Variants in PLCG2 observed in about 807,000 individuals in gnomAD.
PLCG2 encodes phospholipase C gamma 2.
Under a neutral mutation model 175.6 loss-of-function variants are expected in PLCG2, and 69 were observed. The ratio of observed to expected loss-of-function variants is 0.39; its 90% CI spans 0.32 to 0.48. The LOEUF is 0.48. Among genes scored for constraint, PLCG2 ranks in the 20% least tolerant of loss-of-function variants. The pLI is 0.91. For synonymous variants in PLCG2, 827 were observed against 624.0 expected (o/e 1.33, Z -4.85); for missense variants, 1,798 against 1,650.9 (o/e 1.09, Z -1.54).
At chr16:81,779,635 C>T (rs1185473519) in intron 1 of PLCG2, among the ~76,000 whole-genome samples, 1 of 152,140 alleles carries the variant, frequency 6.6e-6, no homozygotes, top group Non-Finnish European at 1.5e-5. Flanking sequence ...CTGGCCACTT[C>T]CTCACCCCGG....
intron 2 of PLCG2, among the ~76,000 whole-genome samples, chr16:81,841,151 T>A (rs1057063841): frequency 6.6e-6 from 1 of 152,162 alleles, no homozygotes. Context: ...ATTATCTTTT[T>A]AACAAAGAAG....
rs184556174 is a variant in PLCG2, at chr16:81,877,539, C to T, written c.649-3371C>T. Among the ~76,000 whole-genome samples the T allele has an allele frequency of 5.3e-5, 8 of 152,346 alleles. No individual in the cohort carries two copies. In the East Asian group the frequency reaches 1.5e-3, roughly 29 times the overall value. ...TCCAAAATCCAGGTGTTGGCAGGGCCACACCCCTCGGAAGGCTCCAGGGAA... is the reference window on the plus strand; with the variant it reads ...TCCAAAATCCAGGTGTTGGCAGGGCTACACCCCTCGGAAGGCTCCAGGGAA... On this transcript the variant is annotated intron_variant, in intron 7 of 32. Coordinates refer to ENST00000564138, the MANE Select transcript of PLCG2 (RefSeq NM_002661.5).
chr16:81,781,190 C>G (rs974297169), intron 1 of PLCG2, among the ~76,000 whole-genome samples: 2 of 152,214 alleles, frequency 1.3e-5, no homozygotes, highest in Admixed American at 6.5e-5. Flanking sequence ...AACCACTCTC[C>G]TGGATTTACC....
At chr16:81,746,427 C>G (rs959417157) in intron 1 of PLCG2, among the ~76,000 whole-genome samples, 1 of 152,180 alleles carries the variant, frequency 6.6e-6, no homozygotes, top group African/African-American at 2.4e-5. Flanking sequence ...GTCGAAACGG[C>G]CGCTGGGGCA....
At chr16:81,778,036 A>C (rs1255287365), upstream of PLCG2, among the ~76,000 whole-genome samples, 38 of 95,916 alleles carry the variant, frequency 4.0e-4, no homozygotes, top group African/African-American at 1.6e-3. Context: ...AAAAAACAAA[A>C]AAAAAACAAA....
At chr16:81,875,826 A>G (rs965343853) in intron 7 of PLCG2, among the ~76,000 whole-genome samples, 60 of 152,244 alleles carry the variant, frequency 3.9e-4, no homozygotes, top group African/African-American at 1.3e-3. Context: ...CCAGTAAGGC[A>G]TTGAAGGATT....
chr16:81,939,059 G>C, intron 29 of PLCG2, 144 bp downstream of exon 29: 1 of 624,734 alleles, frequency 1.6e-6, no homozygotes, highest in Non-Finnish European at 2.9e-6. Context: ...GGTTCAGCTT[G>C]AGGAGGGGAT....
chr16:81,774,863 G>A (rs1196874336), upstream of PLCG2, among the ~76,000 whole-genome samples: 1 of 151,780 alleles, frequency 6.6e-6, no homozygotes, highest in Non-Finnish European at 1.5e-5. Flanking sequence ...TCTTGCCTCA[G>A]CTTCCCGAGT....
At chr16:81,863,634 TTTGCCGGA>T (rs1479633750) in intron 5 of PLCG2, among the ~76,000 whole-genome samples, 2 of 152,358 alleles carry the variant, frequency 1.3e-5, no homozygotes, top group Middle Eastern at 3.4e-3. Context: ...CTGGATTTAT[TTTGCCGGA>T]TTGCTATACT....
chr16:81,805,461 T>G (rs1394120308), intron 2 of PLCG2, among the ~76,000 whole-genome samples: 1 of 141,442 alleles, frequency 7.1e-6, no homozygotes, highest in African/African-American at 2.7e-5. Context: ...ATTGCACCAC[T>G]GCACTTCAGC....
rs147470120 is a variant in PLCG2, at chr16:81,830,410, G to A, written c.194-24034G>A. 7.0e-4 allele frequency among the ~76,000 whole-genome samples: 106 copies of A among 152,208 alleles called. 2 individuals carry two copies. The East Asian group carries it at 0.016, about 23-fold the overall frequency. On this transcript the variant is annotated intron_variant, in intron 2 of 32. Coordinates refer to ENST00000564138, the MANE Select transcript of PLCG2 (RefSeq NM_002661.5). The stretch of plus-strand genomic sequence containing the variant: ...CAACCTCCACTTCTTGGGTTCAAGC[G>A]TTTCTTGTGCCTCAGCCTTCCAAGT...
chr16:81,835,089 T>TA (rs1555510986), intron 2 of PLCG2, among the ~76,000 whole-genome samples: 2 of 152,092 alleles, frequency 1.3e-5, no homozygotes, highest in South Asian at 2.1e-4. Context: ...AGGTGCCACT[T>TA]ACTTGGTTTG....
intron 1 of PLCG2, among the ~76,000 whole-genome samples, chr16:81,783,377 A>T (rs1406095001): frequency 6.6e-6 from 1 of 152,214 alleles, no homozygotes; most frequent in East Asian, 1.9e-4. Flanking sequence ...ACATATATAT[A>T]CACGTGCCAT....
chr16:81,827,509 C>G (rs1905093072), intron 2 of PLCG2, among the ~76,000 whole-genome samples: 1 of 152,012 alleles, frequency 6.6e-6, no homozygotes, highest in African/African-American at 2.4e-5. Flanking sequence ...TCTTTAAAAT[C>G]CTACTTCCTC....
intron 2 of PLCG2, among the ~76,000 whole-genome samples, chr16:81,822,501 A>C (rs1217366822): frequency 6.6e-6 from 1 of 152,184 alleles, no homozygotes; most frequent in African/African-American, 2.4e-5. Flanking sequence ...TCATGCCTGT[A>C]ATCCCAGCAC....
At chr16:81,939,801 A>C in intron 29 of PLCG2, 91 bp from the exon 30 acceptor site, 1 of 808,520 alleles carries the variant, frequency 1.2e-6, no homozygotes, top group South Asian at 1.5e-5. Context: ...CATGGTTGCT[A>C]AGGGGATTCA....
intron 2 of PLCG2, among the ~76,000 whole-genome samples, chr16:81,790,902 A>C (rs1412553916): frequency 6.6e-6 from 1 of 152,112 alleles, no homozygotes; most frequent in Non-Finnish European, 1.5e-5. Context: ...TCTGTAGTGC[A>C]CAGGACAGTC....
intron 2 of PLCG2, among the ~76,000 whole-genome samples, chr16:81,823,899 CTTCCTTCCT>C (rs1261920682): frequency 6.8e-6 from 1 of 148,148 alleles, no homozygotes; most frequent in Admixed American, 6.9e-5. Context: ...TCTTTCCTCC[CTTCCTTCCT>C]TTCCTTCCAT....
chr16:81,842,373 G>A (rs1905880570), intron 2 of PLCG2, among the ~76,000 whole-genome samples: 1 of 152,188 alleles, frequency 6.6e-6, no homozygotes, highest in African/African-American at 2.4e-5. Flanking sequence ...CCTGGACAGG[G>A]CCTGTCCTCC....
Sources: gnomAD v4.1 joint callset for allele counts (sites outside exome capture counted in the v4.1 genomes callset) on GRCh38, gnomAD v4.1.1 for gene constraint, MANE v1.5 for transcripts, NCBI Gene and HGNC (gene_info 2026-07-23, HGNC 2026-07-21) for gene names.